Variants in CASZ1 observed in about 807,000 individuals in gnomAD.
CASZ1 encodes castor zinc finger 1.
In CASZ1, 28 loss-of-function variants were observed where a neutral mutation model predicts 135.2. That is an observed-to-expected ratio of 0.21 (90% confidence interval 0.15 to 0.28). CASZ1 has a LOEUF of 0.28. Ranked by LOEUF, CASZ1 falls within the 10% of genes least tolerant of loss-of-function variation. CASZ1 has a pLI of 1.00. For missense variants in CASZ1, 2,161 were observed against 2,453.3 expected (o/e 0.88, Z 2.52); for synonymous variants, 1,068 against 1,073.4 (o/e 0.99, Z 0.10).
rs1369498757 is a variant in CASZ1, at chr1:10,759,653, G to C, written c.-77+1048C>G. On this transcript the variant is annotated intron_variant, in intron 2 of 20. Coordinates refer to ENST00000377022, the MANE Select transcript of CASZ1 (RefSeq NM_001079843.3). This position sits in a 1 kb window ranked among gnomAD's most constrained non-coding sequence, Gnocchi z 4.2. ...AGTGCGCACCAAGGCTCCCGTCTCT[G>C]CAAGCGCTTCCTCCCTGCAAGTTCG... is the stretch of plus-strand genomic sequence containing the variant. Among the ~76,000 whole-genome samples the C allele has an allele frequency of 6.6e-6, 1 of 152,184 alleles. No homozygotes were observed. The highest frequency in any genetic ancestry group is 2.4e-5 in the African/African-American group (1 of 41,442).
In CASZ1 at chr1:10,686,703, G is replaced by A. The variant is rs143997131; in HGVS notation, c.16+7171C>T. On this transcript the variant is annotated intron_variant, in intron 4 of 20. Coordinates refer to ENST00000377022, the MANE Select transcript of CASZ1 (RefSeq NM_001079843.3). The stretch of plus-strand genomic sequence containing the variant: ...TTCTCCCCTTAATGGGGCCGTAACC[G>A]TGGAAACGAGGAATAAACGGCCACC... 1.9e-3 allele frequency among the ~76,000 whole-genome samples: 295 copies of A among 152,302 alleles called. 1 individual carries two copies. Among genetic ancestry groups the A allele is most frequent in the African/African-American group, 6.9e-3 (287 of 41,558 alleles).
At chr1:10,748,175 GAGA>G (rs1459588572) in intron 2 of CASZ1, among the ~76,000 whole-genome samples, 1 of 152,202 alleles carries the variant, frequency 6.6e-6, no homozygotes, top group African/African-American at 2.4e-5. Context: ...CCTGGCAGAG[GAGA>G]AGGTGATTGC....
At chr1:10,789,851 C>A (rs1189234385) in intron 1 of CASZ1, among the ~76,000 whole-genome samples, 1 of 152,212 alleles carries the variant, frequency 6.6e-6, no homozygotes. Flanking sequence ...AGCTTGCCTG[C>A]AAAACCTCGT....
chr1:10,656,769 C>G, intron 7 of CASZ1, 33 bp from the exon 8 acceptor site: 1 of 1,430,680 alleles, frequency 7.0e-7, no homozygotes, highest in Non-Finnish European at 9.7e-7. Context: ...CAGGGCCCTG[C>G]TGTGGGTGAC....
intron 4 of CASZ1, among the ~76,000 whole-genome samples, chr1:10,672,223 C>T (rs1297849402): frequency 6.8e-6 from 1 of 147,464 alleles, no homozygotes; most frequent in East Asian, 2.0e-4. Context: ...CCCCGCCACC[C>T]CCTCCCCTCC....
intron 2 of CASZ1, among the ~76,000 whole-genome samples, chr1:10,743,383 C>T (rs1344616956): frequency 3.4e-5 from 5 of 147,234 alleles, no homozygotes; most frequent in Non-Finnish European, 7.7e-5. Context: ...CCACTCAGAC[C>T]CATCGGTTCA....
rs1448633260 is a variant in CASZ1, at chr1:10,706,915, G to A, written c.-76-1371C>T. ...GGCGGTAGAGAGGATGGGGGGCTGT[G>A]TAAAGGGGGAATAAGGAAAAGAGAA... On this transcript the variant is annotated intron_variant, in intron 2 of 20. Transcript: ENST00000377022. This position sits in a 1 kb window ranked among gnomAD's most constrained non-coding sequence, Gnocchi z 4.3. Among the ~76,000 whole-genome samples the A allele has an allele frequency of 6.6e-6, 1 of 151,746 alleles. No individual in the cohort carries two copies. The highest frequency in any genetic ancestry group is 2.4e-5 in the African/African-American group (1 of 41,284).
chr1:10,680,983 C>T (rs894508199), intron 4 of CASZ1, among the ~76,000 whole-genome samples: 1 of 152,230 alleles, frequency 6.6e-6, no homozygotes, highest in Admixed American at 6.5e-5. Context: ...TCACTGCAAC[C>T]TCCACCTCCT....
intron 2 of CASZ1, among the ~76,000 whole-genome samples, chr1:10,754,748 C>A (rs767484565): frequency 2.0e-5 from 3 of 152,210 alleles, no homozygotes; most frequent in Non-Finnish European, 4.4e-5. Flanking sequence ...GCTGCCCGGG[C>A]CCAGCTCAGC....
rs1640901597 is a variant in CASZ1, at chr1:10,788,709, C to T, written c.-234+7855G>A. On this transcript the variant is annotated intron_variant, in intron 1 of 20. Coordinates refer to ENST00000377022, the MANE Select transcript of CASZ1 (RefSeq NM_001079843.3). This position sits in a 1 kb window ranked among gnomAD's most constrained non-coding sequence, Gnocchi z 4.1. The stretch of plus-strand genomic sequence containing the variant: ...GTGTCCCTGACCGCTGCCTCCTCAC[C>T]CGGGAGCTGCCCCGGCCTCATCCTT... Among the ~76,000 whole-genome samples the T allele has an allele frequency of 2.0e-5, 3 of 152,314 alleles. No individual in the cohort carries two copies. The highest frequency in any genetic ancestry group is 6.5e-5 in the Admixed American group (1 of 15,304).
chr1:10,659,602 GC>G, intron 6 of CASZ1, 99 bp downstream of exon 6: 1 of 887,488 alleles, frequency 1.1e-6, no homozygotes, highest in Non-Finnish European at 1.9e-6. Context: ...GGTGTGAGCG[GC>G]AGGTGTGTCC....
At chr1:10,650,898 G>A in intron 12 of CASZ1, 43 bp downstream of exon 12, 2 of 1,607,104 alleles carry the variant, frequency 1.2e-6, no homozygotes, top group Non-Finnish European at 8.5e-7. Context: ...CAGCTCGAAG[G>A]TGTGGTTCCC....
intron 4 of CASZ1, among the ~76,000 whole-genome samples, chr1:10,691,273 A>T (rs1638759084): frequency 6.6e-6 from 1 of 152,172 alleles, no homozygotes; most frequent in Non-Finnish European, 1.5e-5. Flanking sequence ...TTAGGACGAC[A>T]TCGGCATTTT....
intron 1 of CASZ1, among the ~76,000 whole-genome samples, chr1:10,792,325 CCG>C (rs1424106503): frequency 2.8e-3 from 14 of 5,082 alleles, no homozygotes; most frequent in Admixed American, 4.3e-3. Context: ...CCCCTCCCCC[CCG>C]CCCCCCCCCC....
chr1:10,773,754 C>T (rs1335425737), intron 1 of CASZ1, among the ~76,000 whole-genome samples: 1 of 152,086 alleles, frequency 6.6e-6, no homozygotes, highest in African/African-American at 2.4e-5. Flanking sequence ...TGTGTGTGTG[C>T]TTGTGAGGCA....
intron 4 of CASZ1, among the ~76,000 whole-genome samples, chr1:10,681,462 G>C (rs1055850680): frequency 8.5e-5 from 13 of 152,064 alleles, no homozygotes; most frequent in Admixed American, 5.9e-4. Flanking sequence ...CTTCACCTCA[G>C]AGCCCGGCCA....
chr1:10,681,189 C>G (rs900466822), intron 4 of CASZ1, among the ~76,000 whole-genome samples: 13 of 151,330 alleles, frequency 8.6e-5, no homozygotes, highest in East Asian at 1.9e-4. Context: ...GCAGGAGCCA[C>G]CGTGCCTGAC....
At chr1:10,656,899 A>C (rs1476878062) in intron 7 of CASZ1, among the ~76,000 whole-genome samples, 163 bp from the exon 8 acceptor site, 1 of 152,136 alleles carries the variant, frequency 6.6e-6, no homozygotes, top group African/African-American at 2.4e-5. Context: ...CGGGAATCCC[A>C]GGCCCATTGA....
Position 10,694,156 on chromosome 1 carries a change from G to A in CASZ1, c.-23-244C>T, listed in dbSNP as rs1446384676. 6.1e-6 allele frequency: 2 copies of A among 329,518 alleles called. No individual in the cohort carries two copies. Among genetic ancestry groups the A allele is most frequent in the Non-Finnish European group, 9.8e-6 (2 of 204,162 alleles). The allele number at this position is 329,518 out of a possible 1,614,324, so 20.4% of individuals were successfully genotyped here. On this transcript the variant is annotated intron_variant, in intron 3 of 20. Transcript: ENST00000377022. This position sits in a 1 kb window ranked among gnomAD's most constrained non-coding sequence, Gnocchi z 6.6. ...CCAACTAAGGCAGCAACTCTCGGCCGGCGCGGCCCCGGCTTGGGGGCCCTG... is the reference window on the plus strand; with the variant it reads ...CCAACTAAGGCAGCAACTCTCGGCCAGCGCGGCCCCGGCTTGGGGGCCCTG...
Sources: allele counts gnomAD v4.1 joint callset (sites outside exome capture counted in the v4.1 genomes callset), GRCh38; gene constraint gnomAD v4.1.1; non-coding constraint Gnocchi (gnomAD v3.1); transcripts MANE v1.5; gene names NCBI Gene and HGNC (gene_info 2026-07-23, HGNC 2026-07-21).